Variants in KCNH1 observed in about 807,000 individuals in gnomAD.
KCNH1 encodes the protein voltage-gated delayed rectifier potassium channel KCNH1.
In KCNH1, 27 loss-of-function variants were observed where a neutral mutation model predicts 69.2. That is an observed-to-expected ratio of 0.39 (90% CI 0.29 to 0.54). The LOEUF (loss-of-function observed/expected upper bound fraction) is 0.54, where lower values mean the gene tolerates loss of function less well. KCNH1 is among the 20% of genes least tolerant of loss of function. KCNH1 has a pLI of 0.68. For missense variants in KCNH1, 798 were observed against 1,261.6 expected (o/e 0.63, Z 5.57); for synonymous variants, 456 against 487.7 (o/e 0.93, Z 0.86).
rs772223610 is a variant in KCNH1 at position 211,018,893 on chromosome 1, C to T, written c.922G>A (p.Val308Ile). The change falls in exon 6 of 11, where the codon GTC becomes ATC. Residue 308 changes from valine to isoleucine, a missense_variant. This residue lies in a region of KCNH1 where 266 missense variants were observed against 457.2 expected (regional missense o/e 0.58). Transcript: ENST00000271751. The part of the protein sequence containing the change: ...IDLLSCLPYD[V>I]INAFENVDEV... ...TCCACGTTCTCAAAAGCGTTGATGA[C>T]ATCATATGGCAAACAGGACAGAAGG... 1 of 1,613,988 alleles carries T rather than the reference C, an allele frequency of 6.2e-7. No homozygotes were observed. Among genetic ancestry groups the T allele is most frequent in the Non-Finnish European group, 8.5e-7 (1 of 1,179,996 alleles).
At chr1:210,739,856 G>A (rs924044120) in intron 10 of KCNH1, among the ~76,000 whole-genome samples, 39 of 152,068 alleles carry the variant, frequency 2.6e-4, no homozygotes, top group African/African-American at 8.9e-4. Context: ...GATGGACCTC[G>A]CAGCACAACA....
chr1:210,708,460 G>T (rs989666670), intron 10 of KCNH1, among the ~76,000 whole-genome samples: 3 of 151,788 alleles, frequency 2.0e-5, no homozygotes, highest in Non-Finnish European at 1.5e-5. Flanking sequence ...ACTTTTTAAT[G>T]AAACAGTAAA....
intron 10 of KCNH1, among the ~76,000 whole-genome samples, chr1:210,775,058 T>C (rs897152516): frequency 3.3e-5 from 5 of 152,102 alleles, no homozygotes; most frequent in East Asian, 1.9e-4. Context: ...CTTTTCAAAA[T>C]GCTAGCAGGT....
At chr1:211,087,639 GCA>G (rs5780626) in intron 4 of KCNH1, among the ~76,000 whole-genome samples, 86,551 of 140,208 alleles carry the variant, frequency 0.62, 26,183 homozygotes, top group South Asian at 0.7. Flanking sequence ...ACACACACAC[GCA>G]CACACACACA....
At chr1:210,917,229 G>GAGAAAGAA (rs1187754589) in intron 7 of KCNH1, among the ~76,000 whole-genome samples, 1,201 of 78,802 alleles carry the variant, frequency 0.015, 12 homozygotes, top group South Asian at 0.018. Flanking sequence ...GAGAGAGAGA[G>GAGAAAGAA]AGAAAGAAAG....
intron 4 of KCNH1, among the ~76,000 whole-genome samples, chr1:211,087,660 CA>C (rs1395638465): frequency 1.0e-3 from 154 of 151,704 alleles, no homozygotes; most frequent in Non-Finnish European, 1.3e-3. Flanking sequence ...CACACACACA[CA>C]CACCCCAGAG....
At chr1:211,033,399 C>T (rs992709555) in intron 5 of KCNH1, among the ~76,000 whole-genome samples, 7 of 152,296 alleles carry the variant, frequency 4.6e-5, no homozygotes, top group African/African-American at 1.2e-4. Flanking sequence ...TTTGACCCAG[C>T]CATCCCATTA....
intron 7 of KCNH1, among the ~76,000 whole-genome samples, chr1:210,900,502 G>GCCTCC (rs1013252476): frequency 6.6e-6 from 1 of 152,192 alleles, no homozygotes; most frequent in Admixed American, 6.5e-5. Context: ...GAAGGCTGTG[G>GCCTCC]GAGGTGTGAA....
At chr1:210,972,805 A>G (rs1393264305) in intron 6 of KCNH1, among the ~76,000 whole-genome samples, 1 of 151,942 alleles carries the variant, frequency 6.6e-6, no homozygotes, top group Non-Finnish European at 1.5e-5. Context: ...CAACAAGAAA[A>G]TCTCAGCCTG....
At chr1:210,840,428 G>C (rs1685381569) in intron 7 of KCNH1, among the ~76,000 whole-genome samples, 1 of 152,196 alleles carries the variant, frequency 6.6e-6, no homozygotes, top group South Asian at 2.1e-4. Context: ...AAGAAACCAT[G>C]AGGAACAACT....
intron 5 of KCNH1, among the ~76,000 whole-genome samples, chr1:211,023,421 G>T (rs1382693063): frequency 1.3e-5 from 2 of 151,472 alleles, no homozygotes; most frequent in Non-Finnish European, 2.9e-5. Flanking sequence ...CAGATGAATG[G>T]AAAAACAAAA....
intron 4 of KCNH1, among the ~76,000 whole-genome samples, chr1:211,084,944 A>G (rs1273824139): frequency 6.6e-6 from 1 of 152,208 alleles, no homozygotes; most frequent in African/African-American, 2.4e-5. Context: ...AGCAGGGAAG[A>G]CTGAAAAATT....
rs1302221033 is a variant in KCNH1, at chr1:210,860,817, GA to G, written c.1463-56652del. On this transcript the variant is annotated intron_variant, in intron 7 of 10. Transcript: ENST00000271751. Reference sequence around the variant, plus strand: ...CTGTTTGAATGTTCTGATCACTTTTGAACTTTACTTCACAAAAATAGTGAAG... The same window carrying G: ...CTGTTTGAATGTTCTGATCACTTTTGACTTTACTTCACAAAAATAGTGAAG... 7 of 891,854 alleles carry G rather than the reference GA, an allele frequency of 7.8e-6. No homozygotes were observed. In the East Asian group the frequency reaches 1.7e-4, roughly 21 times the overall value. 55.2% of individuals were successfully genotyped at this position (891,854 alleles called of 1,614,324 possible).
At chr1:210,796,116 C>T (rs927742277) in intron 9 of KCNH1, among the ~76,000 whole-genome samples, 10 of 149,672 alleles carry the variant, frequency 6.7e-5, no homozygotes, top group Non-Finnish European at 1.5e-4. Context: ...GAGCATGCCA[C>T]TGCACTCCAG....
intron 6 of KCNH1, among the ~76,000 whole-genome samples, chr1:210,945,329 T>C (rs1460498251): frequency 1.3e-5 from 2 of 152,220 alleles, no homozygotes; most frequent in African/African-American, 4.8e-5. Context: ...CTGTATGTTA[T>C]AAACATGACC....
intron 10 of KCNH1, among the ~76,000 whole-genome samples, chr1:210,726,813 G>A (rs893710166): frequency 3.3e-5 from 5 of 150,714 alleles, no homozygotes; most frequent in African/African-American, 1.2e-4. Flanking sequence ...TCCCCGGCGG[G>A]GGTGGGGTGG....
chr1:210,945,522 G>A (rs1330494384), intron 6 of KCNH1, among the ~76,000 whole-genome samples: 1 of 152,182 alleles, frequency 6.6e-6, no homozygotes, highest in Non-Finnish European at 1.5e-5. Flanking sequence ...AGCAGAGGAG[G>A]AACAGTTACA....
intron 10 of KCNH1, among the ~76,000 whole-genome samples, chr1:210,748,607 A>G (rs954973895): frequency 6.6e-6 from 1 of 152,188 alleles, no homozygotes; most frequent in Admixed American, 6.5e-5. Flanking sequence ...TTGCTCCCCT[A>G]GGAGGTGGCA....
chr1:210,787,058 T>C (rs1440069330), intron 9 of KCNH1, among the ~76,000 whole-genome samples: 1 of 152,174 alleles, frequency 6.6e-6, no homozygotes, highest in Non-Finnish European at 1.5e-5. Flanking sequence ...AAATCCTCAC[T>C]GGCTCTCCAT....
Sources: gnomAD v4.1 joint callset for allele counts (sites outside exome capture counted in the v4.1 genomes callset) on GRCh38, gnomAD v4.1.1 for gene constraint, gnomAD v4.1.1 regional missense constraint, MANE v1.5 for transcripts, NCBI Gene and HGNC (gene_info 2026-07-23, HGNC 2026-07-21) for gene names.